The following SGK1 variants were observed in gnomAD, a reference collection of about 807,000 sequenced individuals.
The protein encoded by SGK1 is serine/threonine-protein kinase Sgk1.
SGK1 carries 26 observed loss-of-function variants against 64.2 expected under a neutral mutation model. That is an observed-to-expected ratio of 0.40 (90% CI 0.30 to 0.56). The LOEUF (loss-of-function observed/expected upper bound fraction) is 0.56. SGK1 is among the 20% of genes least tolerant of loss of function. The pLI is 0.38. For missense variants in SGK1, 519 were observed against 645.6 expected (o/e 0.80, Z 2.12); for synonymous variants, 265 against 239.7 (o/e 1.11, Z -0.98).
intron 1 of SGK1, among the ~76,000 whole-genome samples, chr6:134,271,516 G>A (rs1776940356): frequency 6.8e-6 from 1 of 147,682 alleles, no homozygotes; most frequent in African/African-American, 2.4e-5. Flanking sequence ...AATCAGTGGA[G>A]AAGAACCTGG....
intron 3 of SGK1, among the ~76,000 whole-genome samples, chr6:134,202,252 C>CA (rs1193547290): frequency 6.6e-6 from 1 of 152,074 alleles, no homozygotes; most frequent in Non-Finnish European, 1.5e-5. Flanking sequence ...CCATATCTAG[C>CA]AAAAATATCC....
chr6:134,264,030 A>G (rs898773828), intron 1 of SGK1, among the ~76,000 whole-genome samples: 7 of 152,118 alleles, frequency 4.6e-5, no homozygotes, highest in Non-Finnish European at 1.0e-4. Context: ...TGTGAAGCAA[A>G]TTTCCCCAGG....
At chr6:134,259,372 G>A (rs1026017664) in intron 2 of SGK1, among the ~76,000 whole-genome samples, 1 of 152,042 alleles carries the variant, frequency 6.6e-6, no homozygotes, top group Non-Finnish European at 1.5e-5. Flanking sequence ...GGGCGCAGTG[G>A]CTCAGGCCTG....
chr6:134,218,437 C>CTTTTTTTTTTTT (rs71003680), intron 2 of SGK1, among the ~76,000 whole-genome samples: 2 of 129,180 alleles, frequency 1.5e-5, no homozygotes, highest in Non-Finnish European at 1.6e-5. Flanking sequence ...TTCTTTTTTT[C>CTTTTTTTTTTTT]TTTTTTTTTT....
chr6:134,252,082 A>G (rs1280705435), intron 2 of SGK1, among the ~76,000 whole-genome samples: 1 of 152,162 alleles, frequency 6.6e-6, no homozygotes, highest in Non-Finnish European at 1.5e-5. Context: ...ATACAGCAGA[A>G]CTATGTACTT....
chr6:134,269,795 G>C (rs1308626834), intron 1 of SGK1, among the ~76,000 whole-genome samples: 1 of 148,222 alleles, frequency 6.7e-6, no homozygotes, highest in Non-Finnish European at 1.5e-5. Flanking sequence ...ATCTCACACT[G>C]ATACTGGAGC....
rs540942171 is a variant in SGK1 at position 134,173,303 on chromosome 6, G to T, written c.673C>A (p.Gln225Lys). Reference protein sequence around the residue: ...EEVFYAVKVLQKKAILKKKEE... With the variant: ...EEVFYAVKVLKKKAILKKKEE... The stretch of plus-strand genomic sequence containing the variant: ...TTCTTTTTCAGGATTGCTTTCTTCT[G>T]TAAAACTTTGACTGCATAGAACACT... The change falls in exon 7 of 14, where the codon CAG becomes AAG. Residue 225 changes from glutamine to lysine, a missense_variant. Coordinates refer to ENST00000367858, the MANE Select transcript of SGK1 (RefSeq NM_001143676.3). 1 of 1,613,766 alleles carries T rather than the reference G, an allele frequency of 6.2e-7. No homozygotes were observed. Among genetic ancestry groups the T allele is most frequent in the African/African-American group, 1.3e-5 (1 of 75,030 alleles).
chr6:134,246,784 G>T (rs867250734), intron 2 of SGK1, among the ~76,000 whole-genome samples: 1 of 151,950 alleles, frequency 6.6e-6, no homozygotes, highest in South Asian at 2.1e-4. Context: ...GTAGAGACAG[G>T]GTTTCGCCAT....
intron 2 of SGK1, among the ~76,000 whole-genome samples, chr6:134,233,071 CCTCTAT>C (rs10553449): frequency 0.75 from 113,874 of 151,162 alleles, 43,341 homozygotes; most frequent in South Asian, 0.91. Context: ...ATTTTTTAAC[CCTCTAT>C]CTCTATACTT....
Position 134,181,322 on chromosome 6 carries a change from C to A in SGK1, c.362-6736G>T, listed in dbSNP as rs150159047. Among the ~76,000 whole-genome samples, 207 of 152,238 alleles carry A rather than the reference C, an allele frequency of 1.4e-3. 1 individual carries two copies. The highest frequency in any genetic ancestry group is 4.5e-3 in the African/African-American group (188 of 41,550). On this transcript the variant is annotated intron_variant, in intron 3 of 13. Coordinates refer to ENST00000367858, the MANE Select transcript of SGK1 (RefSeq NM_001143676.3). ...GCTCAGTATAAATCTCTCTCCAAGT[C>A]TCTCCCGTTTGTTTTCTTTCTTTCT... is the stretch of plus-strand genomic sequence containing the variant.
Position 134,175,784 on chromosome 6 carries a change from A to G in SGK1, c.362-1198T>C, listed in dbSNP as rs560367595. The G allele has an allele frequency of 6.7e-6, 9 of 1,337,708 alleles. No individual in the cohort carries two copies. The African/African-American group carries it at 9.2e-5, about 14-fold the overall frequency. The allele number at this position is 1,337,708 out of a possible 1,614,324, so 82.9% of individuals were successfully genotyped here. A position where few individuals can be genotyped will look rare whatever the true frequency, so the allele number is the denominator to read the frequency against. On this transcript the variant is annotated intron_variant, in intron 3 of 13. Transcript: ENST00000367858. ...CTGCCCCGAGTCCCAAAACAAACAA[A>G]TGGCCCTTGTGCACGGTCGGGTCGC...
At chr6:134,309,320 A>G (rs1449325329) in intron 1 of SGK1, among the ~76,000 whole-genome samples, 2 of 152,192 alleles carry the variant, frequency 1.3e-5, no homozygotes, top group Non-Finnish European at 2.9e-5. Flanking sequence ...GAGGAGGCCA[A>G]CGCAGCACCG....
At chr6:134,204,605 A>ACAATT (rs1336971569) in intron 3 of SGK1, among the ~76,000 whole-genome samples, 18 of 148,506 alleles carry the variant, frequency 1.2e-4, no homozygotes, top group African/African-American at 4.5e-4. Flanking sequence ...CCAGGCTGGA[A>ACAATT]TGCAATGGCA....
chr6:134,300,701 C>T (rs1230086069), intron 1 of SGK1, among the ~76,000 whole-genome samples: 58 of 141,990 alleles, frequency 4.1e-4, no homozygotes, highest in Non-Finnish European at 7.0e-4. Flanking sequence ...GGCATGATCT[C>T]GGCTCACTAC....
chr6:134,212,147 G>A (rs371125350), intron 2 of SGK1, among the ~76,000 whole-genome samples: 117 of 151,648 alleles, frequency 7.7e-4, no homozygotes, highest in Middle Eastern at 3.4e-3. Context: ...TCCGCCTCCC[G>A]GGTTCACGCC....
At chr6:134,223,541 C>A (rs1035693025) in intron 2 of SGK1, among the ~76,000 whole-genome samples, 1 of 152,048 alleles carries the variant, frequency 6.6e-6, no homozygotes, top group East Asian at 1.9e-4. Context: ...CAAAAAGGTA[C>A]CTGACATGAG....
At chr6:134,297,374 G>A (rs750372285) in intron 1 of SGK1, 52 of 856,754 alleles carry the variant, frequency 6.1e-5, no homozygotes, top group Non-Finnish European at 7.2e-5. Flanking sequence ...ACAGCTTGGC[G>A]TTGGCATCCT....
At position 134,203,946 on chromosome 6, in the gene SGK1, C is replaced by T. The variant is rs1466180207; in HGVS notation, c.361+3410G>A. ...GGGAGTGATGGCATGTGCCTGTAAT[C>T]CCAGTTACTCAGGAGGCTGAGGCAG... On this transcript the variant is annotated intron_variant, in intron 3 of 13. Coordinates refer to ENST00000367858, the MANE Select transcript of SGK1 (RefSeq NM_001143676.3). 1.2e-3 allele frequency among the ~76,000 whole-genome samples: 188 copies of T among 151,858 alleles called. 5 individuals are homozygous for T. Among genetic ancestry groups the T allele is most frequent in the Admixed American group, 0.012 (187 of 15,236 alleles).
At chr6:134,293,101 G>C (rs1421523468) in intron 1 of SGK1, among the ~76,000 whole-genome samples, 2 of 152,174 alleles carry the variant, frequency 1.3e-5, no homozygotes, top group African/African-American at 2.4e-5. Context: ...TTTAAGTTCT[G>C]AAGAATTAAG....
Sources: gnomAD v4.1 joint callset for allele counts (sites outside exome capture counted in the v4.1 genomes callset) on GRCh38, gnomAD v4.1.1 for gene constraint, MANE v1.5 for transcripts, NCBI Gene and HGNC (gene_info 2026-07-23, HGNC 2026-07-21) for gene names.